Variants in PKHD1 observed in about 807,000 individuals in gnomAD.
PKHD1 encodes fibrocystin.
In PKHD1, 291 loss-of-function variants were observed where a neutral mutation model predicts 412.0. The ratio of observed to expected loss-of-function variants is 0.71; its 90% confidence interval spans 0.64 to 0.78. The LOEUF (loss-of-function observed/expected upper bound fraction) is 0.78, where lower values mean the gene tolerates loss of function less well. Ranked by LOEUF, PKHD1 falls within the 30% of genes least tolerant of loss-of-function variation. The pLI is 0.00. For missense variants in PKHD1, 4,825 were observed against 4,950.7 expected, an observed-to-expected ratio of 0.97 and a Z score of 0.76; for synonymous variants, 1,777 against 1,821.5, an observed-to-expected ratio of 0.98 and a Z score of 0.62.
At chr6:51,769,470 T>TTTTTATACATTACATTTATAACAATATA (rs1789686353) in intron 55 of PKHD1, among the ~76,000 whole-genome samples, 1 of 151,386 alleles carries the variant, frequency 6.6e-6, no homozygotes, top group Non-Finnish European at 1.5e-5. Flanking sequence ...ATTATAACTC[T>TTTTTATACATTACATTTATAACAATATA]AAACTATTCT....
intron 60 of PKHD1, chr6:51,722,044 G>T (rs1781989119): frequency 6.2e-7 from 1 of 1,613,466 alleles, no homozygotes; most frequent in African/African-American, 1.3e-5. Context: ...AAGTACTTTA[G>T]TCAGACATTG....
chr6:51,842,850 G>A (rs920726575), intron 50 of PKHD1, among the ~76,000 whole-genome samples: 3 of 152,218 alleles, frequency 2.0e-5, no homozygotes, highest in Admixed American at 2.0e-4. Context: ...GCTGGTGGAG[G>A]TGGAGGCAAG....
chr6:51,911,879 C>A lies in PKHD1; in HGVS notation c.6410G>T (p.Arg2137Met). ...ILKATVALLS[R>M]SITIQGNLTN... is the part of the protein sequence containing the mutation. ...GAGATTTCCTTGTATGGTAATACTC[C>A]TGCTGAGCAGAGCCACAGTGGCCTT... The change falls in exon 39 of 67, where the codon AGG becomes ATG. Residue 2137 changes from arginine to methionine, a missense_variant. Physicochemically the swap from Arg to Met is moderately conservative, Grantham distance 91. Transcript: ENST00000371117. The A allele has an allele frequency of 6.2e-7, 1 of 1,612,022 alleles. No individual in the cohort carries two copies.
intron 27 of PKHD1, among the ~76,000 whole-genome samples, chr6:52,039,179 T>C (rs1191790954): frequency 6.6e-6 from 1 of 152,204 alleles, no homozygotes; most frequent in Non-Finnish European, 1.5e-5. Context: ...TGAGGTATCA[T>C]CTCATGCCCA....
At chr6:52,036,836 C>T (rs116075816) in intron 27 of PKHD1, among the ~76,000 whole-genome samples, 1,830 of 152,060 alleles carry the variant, frequency 0.012, 17 homozygotes, top group Non-Finnish European at 0.02. Flanking sequence ...ATAAATGGAT[C>T]GAAAGAGTGA....
At chr6:51,681,363 T>A (rs1021807637) in intron 60 of PKHD1, among the ~76,000 whole-genome samples, 1 of 152,028 alleles carries the variant, frequency 6.6e-6, no homozygotes, top group African/African-American at 2.4e-5. Context: ...AACACAGGCC[T>A]TAGCAATGTC....
intron 64 of PKHD1, among the ~76,000 whole-genome samples, chr6:51,633,858 C>T (rs1484638695): frequency 2.6e-5 from 4 of 151,952 alleles, no homozygotes; most frequent in Admixed American, 1.3e-4. Flanking sequence ...AAACCACATA[C>T]AAAAATGTCA....
At chr6:52,060,119 C>T in intron 14 of PKHD1, 77 bp from the exon 15 acceptor site, 1 of 785,082 alleles carries the variant, frequency 1.3e-6, no homozygotes, top group Non-Finnish European at 2.3e-6. Context: ...TGCCCTTGTA[C>T]TTTGTCTTCT....
rs1562235798 is a variant in PKHD1, at chr6:51,753,363, T to C, written c.8798-10A>G. 3 of 1,611,594 alleles carry C rather than the reference T, an allele frequency of 1.9e-6. No individual in the cohort carries two copies. Among genetic ancestry groups the C allele is most frequent in the Admixed American group, 1.7e-5 (1 of 59,898 alleles). On this transcript the variant is annotated splice_polypyrimidine_tract_variant and intron_variant, in intron 56 of 66. Coordinates refer to ENST00000371117, the MANE Select transcript of PKHD1 (RefSeq NM_138694.4). Reference sequence around the variant, plus strand: ...GTGACATGTACACTTCCTGGGGCAATAGGAGTTGTGGGAAAAAAAAACTTT... The same window carrying C: ...GTGACATGTACACTTCCTGGGGCAACAGGAGTTGTGGGAAAAAAAAACTTT...
At chr6:51,883,471 ATCAATATGAAT>A (rs1777709543) in intron 45 of PKHD1, among the ~76,000 whole-genome samples, 1 of 152,190 alleles carries the variant, frequency 6.6e-6, no homozygotes. Flanking sequence ...CATTAAAAAG[ATCAATATGAAT>A]TCTCCACATA....
At chr6:51,739,515 G>A (rs1784292825) in intron 60 of PKHD1, among the ~76,000 whole-genome samples, 1 of 152,170 alleles carries the variant, frequency 6.6e-6, no homozygotes, top group South Asian at 2.1e-4. Context: ...ATAGGCATGA[G>A]CCACAGATCC....
intron 49 of PKHD1, among the ~76,000 whole-genome samples, chr6:51,851,365 C>T (rs7383784): frequency 0.4 from 61,211 of 151,904 alleles, 13,510 homozygotes; most frequent in East Asian, 0.85. Flanking sequence ...TTTCTTTTTT[C>T]ATTGTGTCTC....
At chr6:52,052,332 G>T (rs775026335) in intron 21 of PKHD1, among the ~76,000 whole-genome samples, 24 of 152,302 alleles carry the variant, frequency 1.6e-4, no homozygotes, top group Non-Finnish European at 3.2e-4. Context: ...CAGGGCCCAG[G>T]AGGAGGACTT....
At chr6:51,984,154 G>A (rs891737830) in intron 35 of PKHD1, among the ~76,000 whole-genome samples, 1 of 152,182 alleles carries the variant, frequency 6.6e-6, no homozygotes, top group African/African-American at 2.4e-5. Flanking sequence ...TCATTAGAAA[G>A]ACAAGATAAA....
intron 48 of PKHD1, among the ~76,000 whole-genome samples, chr6:51,858,534 C>T (rs184667428): frequency 1.6e-4 from 25 of 152,252 alleles, no homozygotes; most frequent in Admixed American, 3.9e-4. Context: ...TCCTCAAGTA[C>T]AGGGAATGAT....
chr6:51,737,026 T>C (rs777221613), intron 60 of PKHD1, among the ~76,000 whole-genome samples: 3 of 152,186 alleles, frequency 2.0e-5, no homozygotes, highest in Non-Finnish European at 4.4e-5. Context: ...TTTTCTTTTT[T>C]TTATCAACCT....
intron 53 of PKHD1, among the ~76,000 whole-genome samples, chr6:51,780,341 GCACCACACTGCACTCCA>G (rs1791777172): frequency 6.6e-6 from 1 of 150,962 alleles, no homozygotes; most frequent in South Asian, 2.1e-4. Flanking sequence ...AGCCGAGATC[GCACCACACTGCACTCCA>G]GCCTGGTGAC....
intron 37 of PKHD1, among the ~76,000 whole-genome samples, chr6:51,917,860 C>G (rs1378280654): frequency 7.9e-5 from 12 of 152,108 alleles, no homozygotes. Context: ...ATTTGGAAAC[C>G]ACTAAATGAA....
At chr6:51,803,937 A>G (rs1763310486) in intron 52 of PKHD1, among the ~76,000 whole-genome samples, 1 of 151,170 alleles carries the variant, frequency 6.6e-6, no homozygotes, top group African/African-American at 2.5e-5. Context: ...CAAACTCCTG[A>G]CCTCAGGTGA....
Sources: gnomAD v4.1 joint callset for allele counts (sites outside exome capture counted in the v4.1 genomes callset) on GRCh38, gnomAD v4.1.1 for gene constraint, MANE v1.5 for transcripts, NCBI Gene and HGNC (gene_info 2026-07-23, HGNC 2026-07-21) for gene names.